Variants in GABRA3 observed in about 807,000 individuals in gnomAD.
GABRA3 encodes gamma-aminobutyric acid type A receptor subunit alpha3, also known as gamma-aminobutyric acid receptor subunit alpha-3.
Under a neutral mutation model 30.1 loss-of-function variants are expected in GABRA3, and 10 were observed. The ratio of observed to expected loss-of-function variants is 0.33; its 90% CI spans 0.20 to 0.56. GABRA3 has a LOEUF of 0.56. Among genes scored for constraint, GABRA3 ranks in the 20% least tolerant of loss-of-function variants. The probability of loss-of-function intolerance (pLI) is 0.89; values close to 1 mark genes in which losing one functional copy is unlikely to be tolerated. For synonymous variants in GABRA3, 151 were observed against 146.8 expected, an observed-to-expected ratio of 1.03 and a Z score of -0.21; for missense variants, 233 against 392.0, an observed-to-expected ratio of 0.59 and a Z score of 3.42.
At chrX:152,374,182 T>C (rs938226219) in intron 1 of GABRA3, among the ~76,000 whole-genome samples, 5 of 110,729 alleles carry the variant, frequency 4.5e-5, no homozygotes, top group African/African-American at 1.6e-4. Flanking sequence ...AGATTCCTTG[T>C]AGACTCTATA....
intron 1 of GABRA3, among the ~76,000 whole-genome samples, chrX:152,426,066 T>C (rs954393168): frequency 9.0e-6 from 1 of 111,493 alleles, no homozygotes; most frequent in African/African-American, 3.3e-5. Context: ...TACTAAACTA[T>C]AATTGTGGAA....
chrX:152,221,572 T>G (rs1386960284), intron 6 of GABRA3, among the ~76,000 whole-genome samples: 2 of 112,042 alleles, frequency 1.8e-5, no homozygotes, highest in African/African-American at 6.5e-5. Flanking sequence ...TCATTCTATT[T>G]ATGCTGCTTC....
chrX:152,212,924 C>T (rs930913113), intron 6 of GABRA3, among the ~76,000 whole-genome samples: 3 of 110,916 alleles, frequency 2.7e-5, no homozygotes, highest in Non-Finnish European at 5.7e-5. Flanking sequence ...TATAAAACTG[C>T]CCCCTCATCT....
chrX:152,214,040 C>T (rs1399889920), intron 6 of GABRA3, among the ~76,000 whole-genome samples: 1 of 111,141 alleles, frequency 9.0e-6, no homozygotes, highest in African/African-American at 3.3e-5. Context: ...CGAAACATTG[C>T]ACCCTACAGG....
At chrX:152,257,696 T>C (rs962335324) in intron 4 of GABRA3, among the ~76,000 whole-genome samples, 1 of 112,387 alleles carries the variant, frequency 8.9e-6, no homozygotes, top group African/African-American at 3.2e-5. Context: ...GGAACTAGAC[T>C]TTCACATAAA....
intron 3 of GABRA3, among the ~76,000 whole-genome samples, chrX:152,315,529 T>C (rs1486503305): frequency 1.8e-5 from 2 of 111,427 alleles, no homozygotes; most frequent in Non-Finnish European, 3.8e-5. Flanking sequence ...ATGAATCTGG[T>C]GTGCAGATTC....
At chrX:152,318,921 C>G (rs776337955) in intron 3 of GABRA3, among the ~76,000 whole-genome samples, 10 of 111,269 alleles carry the variant, frequency 9.0e-5, no homozygotes, top group Non-Finnish European at 1.7e-4. Flanking sequence ...CCTCTGAGAA[C>G]TGGAACAAGA....
chrX:152,297,214 A>T (rs1477192746), intron 3 of GABRA3, among the ~76,000 whole-genome samples: 1 of 111,699 alleles, frequency 9.0e-6, no homozygotes, highest in African/African-American at 3.3e-5. Context: ...CAAAATTCTC[A>T]GATGTTTCAT....
intron 1 of GABRA3, among the ~76,000 whole-genome samples, chrX:152,374,291 T>C (rs1282057011): frequency 1.8e-5 from 2 of 109,273 alleles, no homozygotes; most frequent in Non-Finnish European, 3.8e-5. Flanking sequence ...GTGGAGGAGC[T>C]CTTTAGTTTA....
intron 3 of GABRA3, among the ~76,000 whole-genome samples, chrX:152,319,966 G>GA (rs765394992): frequency 3.4e-4 from 38 of 111,219 alleles, no homozygotes; most frequent in African/African-American, 1.2e-3. Flanking sequence ...CAACAAACAT[G>GA]AAAAAATGCT....
intron 3 of GABRA3, among the ~76,000 whole-genome samples, chrX:152,289,916 A>T (rs944450434): frequency 8.9e-6 from 1 of 111,984 alleles, no homozygotes; most frequent in African/African-American, 3.2e-5. Flanking sequence ...CCAGTCTATC[A>T]TTGGTGGACA....
At chrX:152,320,959 C>CA (rs1383525974) in intron 3 of GABRA3, among the ~76,000 whole-genome samples, 1 of 111,536 alleles carries the variant, frequency 9.0e-6, no homozygotes, top group Non-Finnish European at 1.9e-5. Flanking sequence ...CTAAAATAAA[C>CA]AAAAAACATT....
chrX:152,231,225 A>G (rs1451059606), intron 5 of GABRA3, among the ~76,000 whole-genome samples: 1 of 107,927 alleles, frequency 9.3e-6, no homozygotes, highest in Non-Finnish European at 1.9e-5. Context: ...ACATACACGT[A>G]TATATACACA....
chrX:152,213,517 GAGA>G (rs757443220), intron 6 of GABRA3, among the ~76,000 whole-genome samples: 132 of 111,803 alleles, frequency 1.2e-3, no homozygotes, highest in Admixed American at 4.0e-3. Context: ...ATTAAGAAAT[GAGA>G]AGGAGTCAGT....
intron 2 of GABRA3, 78 bp from the exon 3 acceptor site, chrX:152,345,780 A>C (rs1415759354): frequency 1.0e-6 from 1 of 957,055 alleles, no homozygotes; most frequent in Non-Finnish European, 1.4e-6. Flanking sequence ...ATCGTAATTC[A>C]AGATTTCAAT....
chrX:152,267,175 G>A (rs1041893095), intron 4 of GABRA3, among the ~76,000 whole-genome samples: 2 of 111,564 alleles, frequency 1.8e-5, no homozygotes, highest in Non-Finnish European at 3.8e-5. Flanking sequence ...ATTATTTTGA[G>A]TTATGTTCCT....
intron 1 of GABRA3, among the ~76,000 whole-genome samples, chrX:152,373,287 CA>C (rs1475568088): frequency 9.0e-6 from 1 of 111,596 alleles, no homozygotes; most frequent in African/African-American, 3.3e-5. Context: ...CTTCTTCCCC[CA>C]ACCCACTGTG....
At chrX:152,408,635 G>A in intron 1 of GABRA3, among the ~76,000 whole-genome samples, 1 of 111,124 alleles carries the variant, frequency 9.0e-6, no homozygotes, top group Middle Eastern at 4.7e-3. Context: ...TCCATTCTAT[G>A]CAAAGCAATC....
chrX:152,186,751 A>T (rs1448985518), intron 9 of GABRA3: 1 of 109,248 alleles, frequency 9.2e-6, no homozygotes, highest in East Asian at 2.9e-4. Context: ...CCTCCTGACT[A>T]GTTGGGACTA....
Sources: allele counts gnomAD v4.1 joint callset (sites outside exome capture counted in the v4.1 genomes callset), GRCh38; gene constraint gnomAD v4.1.1; transcripts MANE v1.5; gene names NCBI Gene and HGNC (gene_info 2026-07-23, HGNC 2026-07-21).